The following STK4 variants were observed in gnomAD, a reference collection of about 807,000 sequenced individuals.
The protein encoded by STK4 is serine/threonine-protein kinase 4.
In STK4, 30 loss-of-function variants were observed where a neutral mutation model predicts 64.9. The observed-to-expected ratio is 0.46, with a 90% CI of 0.35 to 0.63. STK4 has a LOEUF of 0.63. STK4 is among the 20% of genes least tolerant of loss of function. The pLI, the probability that STK4 is intolerant of heterozygous loss-of-function variation, is 0.01. For synonymous variants in STK4, 177 were observed against 199.0 expected, an observed-to-expected ratio of 0.89 and a Z score of 0.93; for missense variants, 466 against 598.5, an observed-to-expected ratio of 0.78 and a Z score of 2.31.
At chr20:45,056,757 A>G (rs1978515145) in intron 10 of STK4, among the ~76,000 whole-genome samples, 1 of 152,240 alleles carries the variant, frequency 6.6e-6, no homozygotes, top group Admixed American at 6.5e-5. Context: ...ATTTAATATA[A>G]TAAGTATTAC....
In STK4 at chr20:45,075,054, C is replaced by T; in HGVS notation, c.1342C>T (p.Leu448Phe). 10 of 1,614,206 alleles carry T rather than the reference C, an allele frequency of 6.2e-6. No homozygotes were observed. Among genetic ancestry groups the T allele is most frequent in the Non-Finnish European group, 8.5e-6 (10 of 1,180,028 alleles). Residue 448 changes from leucine to phenylalanine, a missense_variant, in exon 11 of 11, where the codon CTC (leucine) becomes TTC (phenylalanine). Leu to Phe is a conservative substitution (Grantham distance 22). Coordinates refer to ENST00000372806, the MANE Select transcript of STK4 (RefSeq NM_006282.5). ...GACAGTGGAGGACCTTCAGAAGAGG[C>T]TCTTGGCCCTGGACCCCATGATGGA... ...SWTVEDLQKR[L>F]LALDPMMEQE... is the part of the protein sequence containing the mutation.
intron 10 of STK4, among the ~76,000 whole-genome samples, chr20:45,055,837 A>G (rs1008673077): frequency 4.6e-5 from 7 of 151,640 alleles, no homozygotes; most frequent in African/African-American, 1.7e-4. Context: ...GGTTCAAGCA[A>G]TTCTCCTGTC....
intron 9 of STK4, among the ~76,000 whole-genome samples, chr20:45,014,530 A>G (rs2068107198): frequency 6.6e-6 from 1 of 152,214 alleles, no homozygotes; most frequent in Non-Finnish European, 1.5e-5. Context: ...TATATATTTG[A>G]AAGCAAAAAA....
intron 10 of STK4, among the ~76,000 whole-genome samples, chr20:45,050,174 G>C (rs1036197999): frequency 6.6e-5 from 10 of 152,246 alleles, no homozygotes; most frequent in African/African-American, 1.9e-4. Context: ...TCTCACTCTG[G>C]GGGTGTGTGG....
intron 5 of STK4, among the ~76,000 whole-genome samples, chr20:44,988,533 G>GTGTGTGTGTGTATATATATATA (rs1221720136): frequency 9.8e-6 from 1 of 101,572 alleles, no homozygotes; most frequent in African/African-American, 4.8e-5. Context: ...ATGTGTGTGT[G>GTGTGTGTGTGTATATATATATA]TATATATATA....
rs746946767 is a variant in STK4 at position 45,075,100 on chromosome 20, G to T, written c.1388G>T (p.Arg463Leu). Reference protein sequence around the residue: ...PMMEQEIEEIRQKYQSKRQPI... With the variant: ...PMMEQEIEEILQKYQSKRQPI... ...ATGGAGCAGGAGATTGAAGAGATCCGGCAGAAGTACCAGTCCAAGCGGCAG... is the reference window on the plus strand; with the variant it reads ...ATGGAGCAGGAGATTGAAGAGATCCTGCAGAAGTACCAGTCCAAGCGGCAG... The change falls in exon 11 of 11, where the codon CGG (arginine) becomes CTG (leucine). Residue 463 changes from arginine (R) to leucine (L), a missense_variant. By Grantham distance (102) the Arg-to-Leu change is moderately radical. This residue lies in a region of STK4 where 276 missense variants were observed against 308.9 expected (regional missense o/e 0.89). Coordinates refer to ENST00000372806, the MANE Select transcript of STK4 (RefSeq NM_006282.5). 6.2e-7 allele frequency: 1 copy of T among 1,614,184 alleles called. No individual in the cohort carries two copies. Among genetic ancestry groups the T allele is most frequent in the South Asian group, 1.1e-5 (1 of 91,082 alleles).
Position 44,989,673 on chromosome 20 carries a change from A to G in STK4, c.525+2377A>G, listed in dbSNP as rs78224545. Among the ~76,000 whole-genome samples, 208 of 152,228 alleles carry G rather than the reference A, an allele frequency of 1.4e-3. 1 individual carries two copies. The highest frequency in any genetic ancestry group is 4.8e-3 in the African/African-American group (201 of 41,550). On this transcript the variant is annotated intron_variant, in intron 5 of 10. Transcript: ENST00000372806. ...AGAAATCATTAGCTAATGCAGGGTC[A>G]TGGAGATTTACTCCTATGATTTCTT...
intron 9 of STK4, among the ~76,000 whole-genome samples, chr20:45,017,001 A>G (rs527516451): frequency 2.7e-4 from 41 of 152,356 alleles, no homozygotes; most frequent in African/African-American, 7.5e-4. Flanking sequence ...TATCAATTTA[A>G]GTGGATCTAT....
Position 45,001,263 on chromosome 20 carries a change from A to T in STK4, c.1057A>T (p.Thr353Ser). ...CAGCACCATGACTGATGGAGCCAAT[A>T]CTATGATTGAGCACGATGACACGTT... The part of the protein sequence containing the change: ...VASTMTDGAN[T>S]MIEHDDTLPS... The change falls in exon 9 of 11, where the codon ACT becomes TCT. Residue 353 changes from threonine (T) to serine (S), a missense_variant. Physicochemically the swap from Thr to Ser is moderately conservative, Grantham distance 58 (BLOSUM62 1). Coordinates refer to ENST00000372806, the MANE Select transcript of STK4 (RefSeq NM_006282.5). 6.2e-7 allele frequency: 1 copy of T among 1,614,190 alleles called. No homozygotes were observed. The highest frequency in any genetic ancestry group is 1.1e-5 in the South Asian group (1 of 91,084).
chr20:45,048,104 G>T (rs913761895), intron 10 of STK4, among the ~76,000 whole-genome samples: 1 of 152,164 alleles, frequency 6.6e-6, no homozygotes, highest in Non-Finnish European at 1.5e-5. Context: ...GCAGAGAAAT[G>T]CTTAGGACAC....
intron 9 of STK4, among the ~76,000 whole-genome samples, chr20:45,009,399 CTGT>C (rs1368889921): frequency 1.3e-5 from 2 of 152,074 alleles, no homozygotes; most frequent in African/African-American, 4.8e-5. Flanking sequence ...GTCTATGTGT[CTGT>C]TGTTGTACCA....
intron 9 of STK4, among the ~76,000 whole-genome samples, chr20:45,005,243 C>G (rs1453003166): frequency 1.3e-5 from 2 of 152,156 alleles, no homozygotes; most frequent in South Asian, 2.1e-4. Flanking sequence ...CAGTATCTCT[C>G]TCCTCTTCCT....
At chr20:44,997,119 AT>A (rs1166124672) in intron 6 of STK4, 49 bp from the exon 7 acceptor site, 1 of 1,608,632 alleles carries the variant, frequency 6.2e-7, no homozygotes, top group Non-Finnish European at 8.5e-7. Context: ...TTATTGGAGC[AT>A]TACTTTTATT....
At chr20:44,987,422 C>A in intron 5 of STK4, 126 bp downstream of exon 5, 1 of 940,560 alleles carries the variant, frequency 1.1e-6, no homozygotes, top group Non-Finnish European at 1.5e-6. Context: ...ACAGAATCTG[C>A]CAATAGGTTA....
At chr20:45,015,772 A>G (rs1377066052) in intron 9 of STK4, among the ~76,000 whole-genome samples, 1 of 152,146 alleles carries the variant, frequency 6.6e-6, no homozygotes, top group Non-Finnish European at 1.5e-5. Context: ...GTCTGAAAAA[A>G]TGGGGCACCA....
intron 10 of STK4, among the ~76,000 whole-genome samples, chr20:45,026,440 T>C (rs1297748746): frequency 6.6e-6 from 1 of 151,852 alleles, no homozygotes; most frequent in East Asian, 1.9e-4. Context: ...AGGAGAGATT[T>C]TTAGGCAGCA....
intron 9 of STK4, among the ~76,000 whole-genome samples, chr20:45,003,692 T>C (rs1322957744): frequency 1.3e-5 from 2 of 151,658 alleles, no homozygotes; most frequent in Admixed American, 1.3e-4. Context: ...AGTTTTGCTG[T>C]GAACCTAAAA....
At chr20:45,059,455 A>G (rs1459326896) in intron 10 of STK4, among the ~76,000 whole-genome samples, 1 of 152,164 alleles carries the variant, frequency 6.6e-6, no homozygotes, top group Non-Finnish European at 1.5e-5. Context: ...CTGTGATACC[A>G]ATTCTGCAAC....
intron 5 of STK4, among the ~76,000 whole-genome samples, chr20:44,988,167 A>G (rs1372894001): frequency 1.3e-5 from 2 of 152,036 alleles, no homozygotes; most frequent in Non-Finnish European, 2.9e-5. Flanking sequence ...CCTAAACCAC[A>G]GTCTTAGTCA....
Sources: gnomAD v4.1 joint callset for allele counts (sites outside exome capture counted in the v4.1 genomes callset) on GRCh38, gnomAD v4.1.1 for gene constraint, gnomAD v4.1.1 regional missense constraint, MANE v1.5 for transcripts, NCBI Gene and HGNC (gene_info 2026-07-23, HGNC 2026-07-21) for gene names.